The following LTBP1 variants were observed in gnomAD, a reference collection of about 807,000 sequenced individuals.
The protein encoded by LTBP1 is latent-transforming growth factor beta-binding protein 1.
In LTBP1, 129 loss-of-function variants were observed where a neutral mutation model predicts 207.6. The observed-to-expected ratio is 0.62, with a 90% CI of 0.54 to 0.72. The LOEUF (loss-of-function observed/expected upper bound fraction) is 0.72, where lower values mean the gene tolerates loss of function less well. LTBP1 is among the 30% of genes least tolerant of loss of function. The probability of loss-of-function intolerance (pLI) is 0.00; values close to 1 mark genes in which losing one functional copy is unlikely to be tolerated. For synonymous variants in LTBP1, 963 were observed against 833.7 expected (o/e 1.16, Z -2.67); for missense variants, 2,281 against 2,217.2 (o/e 1.03, Z -0.58).
At chr2:33,133,841 A>G (rs1282082780) in intron 4 of LTBP1, among the ~76,000 whole-genome samples, 1 of 152,230 alleles carries the variant, frequency 6.6e-6, no homozygotes, top group Non-Finnish European at 1.5e-5. Context: ...AACTGAACTG[A>G]ACTGGACTGA....
intron 30 of LTBP1, 39 bp from the exon 31 acceptor site, chr2:33,365,294 A>G (rs2094971806): frequency 6.3e-7 from 1 of 1,577,294 alleles, no homozygotes; most frequent in Middle Eastern, 1.7e-4. Flanking sequence ...AAATAGGAAT[A>G]ACTGTGCGAT....
At chr2:33,185,419 C>T (rs6757287) in intron 5 of LTBP1, among the ~76,000 whole-genome samples, 11,869 of 152,148 alleles carry the variant, frequency 0.078, 988 homozygotes, top group African/African-American at 0.21. Context: ...TATGGTGACA[C>T]ATAGTTGTAG....
chr2:32,995,282 C>G (rs1013520554), intron 2 of LTBP1, among the ~76,000 whole-genome samples: 4 of 152,102 alleles, frequency 2.6e-5, no homozygotes, highest in African/African-American at 9.7e-5. Flanking sequence ...GGCAGTGCCT[C>G]TCGAACTAAT....
chr2:33,330,548 T>A (rs545218981), intron 24 of LTBP1, among the ~76,000 whole-genome samples: 8 of 151,948 alleles, frequency 5.3e-5, no homozygotes, highest in Admixed American at 2.0e-4. Flanking sequence ...AGTTTGCTAA[T>A]GTTCTTTATC....
In LTBP1 at chr2:33,141,325, A is replaced by G. The variant is rs1157441464; in HGVS notation, c.1201+6365A>G. 3.3e-5 allele frequency among the ~76,000 whole-genome samples: 5 copies of G among 152,350 alleles called. No homozygotes were observed. The South Asian group carries it at 6.2e-4, about 19-fold the overall frequency. On this transcript the variant is annotated intron_variant, in intron 5 of 33. Transcript: ENST00000404816. ...GTTGTTTAATGGGTATAGAGTTTCAATTTTGCAAAATGAAAAAGTTCTGGA... is the reference window on the plus strand; with the variant it reads ...GTTGTTTAATGGGTATAGAGTTTCAGTTTTGCAAAATGAAAAAGTTCTGGA...
intron 2 of LTBP1, among the ~76,000 whole-genome samples, chr2:33,008,120 T>C (rs936803410): frequency 6.6e-6 from 1 of 152,260 alleles, no homozygotes; most frequent in Non-Finnish European, 1.5e-5. Context: ...TATTTTTTAT[T>C]GCCCCAGTTT....
intron 19 of LTBP1, among the ~76,000 whole-genome samples, chr2:33,283,061 C>CAAAA (rs201168175): frequency 2.2e-4 from 11 of 49,254 alleles, no homozygotes; most frequent in African/African-American, 2.8e-4. Context: ...GACTCCATCT[C>CAAAA]AAAAAAAAAA....
At chr2:33,009,007 GGCA>G (rs1687314100) in intron 2 of LTBP1, among the ~76,000 whole-genome samples, 1 of 152,180 alleles carries the variant, frequency 6.6e-6, no homozygotes, top group Non-Finnish European at 1.5e-5. Flanking sequence ...TGGGAGAGAT[GGCA>G]GAGGTTTGCA....
chr2:33,263,939 G>A lies in LTBP1; in HGVS notation c.2617+547G>A, dbSNP rs1448695986. Among the ~76,000 whole-genome samples the A allele has an allele frequency of 9.2e-5, 12 of 129,918 alleles. No individual in the cohort carries two copies. In the East Asian group the frequency reaches 2.0e-3, roughly 22 times the overall value. The allele number at this position is 129,918 out of a possible 152,430, so 85.2% of individuals were successfully genotyped here. On this transcript the variant is annotated intron_variant, in intron 15 of 33. Coordinates refer to ENST00000404816, the MANE Select transcript of LTBP1 (RefSeq NM_206943.4). ...CTGCACTCCAGCCTGGTGACAGAGC[G>A]AGACTCTGTCTAAAAAAAGAAAAAA...
intron 2 of LTBP1, among the ~76,000 whole-genome samples, chr2:32,976,690 T>C (rs893930104): frequency 6.6e-6 from 1 of 152,170 alleles, no homozygotes; most frequent in African/African-American, 2.4e-5. Context: ...GGAGTTCTGG[T>C]TCATGAGGAT....
At chr2:33,301,151 T>C (rs1471759336) in intron 21 of LTBP1, among the ~76,000 whole-genome samples, 1 of 152,192 alleles carries the variant, frequency 6.6e-6, no homozygotes, top group Non-Finnish European at 1.5e-5. Flanking sequence ...TTTCATTGAA[T>C]TGCACACAGA....
At chr2:32,975,398 A>G (rs1681547159) in intron 2 of LTBP1, among the ~76,000 whole-genome samples, 1 of 151,972 alleles carries the variant, frequency 6.6e-6, no homozygotes, top group Non-Finnish European at 1.5e-5. Flanking sequence ...GGTTCTATGT[A>G]TTTCCTGAAT....
At chr2:33,378,224 TTG>T (rs1312996188) in intron 31 of LTBP1, among the ~76,000 whole-genome samples, 269 of 146,520 alleles carry the variant, frequency 1.8e-3, no homozygotes, top group African/African-American at 6.3e-3. Context: ...TGTGTGTGTT[TTG>T]TTTGTTTGTT....
chr2:33,393,456 G>A (rs148132166), intron 32 of LTBP1, among the ~76,000 whole-genome samples: 7,561 of 76,608 alleles, frequency 0.099, 232 homozygotes, highest in African/African-American at 0.15. Context: ...CCAACCCCGC[G>A]AAAGGCCCTG....
chr2:33,295,687 C>T (rs1233752712), intron 20 of LTBP1, among the ~76,000 whole-genome samples: 21 of 151,606 alleles, frequency 1.4e-4, no homozygotes, highest in East Asian at 3.9e-4. Flanking sequence ...GGATTTTTTT[C>T]TTTTCTGCTT....
chr2:33,369,093 C>G (rs2095035381), intron 31 of LTBP1, among the ~76,000 whole-genome samples: 1 of 151,318 alleles, frequency 6.6e-6, no homozygotes, highest in African/African-American at 2.4e-5. Context: ...TTTCAAAAAA[C>G]ATTTTAAAAA....
intron 6 of LTBP1, among the ~76,000 whole-genome samples, 191 bp downstream of exon 6, chr2:33,187,271 G>A (rs1168879014): frequency 2.6e-5 from 4 of 152,190 alleles, no homozygotes; most frequent in East Asian, 3.8e-4. Flanking sequence ...CTAGGCCATA[G>A]AGAGTTAGTG....
intron 9 of LTBP1, among the ~76,000 whole-genome samples, chr2:33,239,932 A>AAATAAATG (rs2092239736): frequency 6.6e-6 from 1 of 151,586 alleles, no homozygotes; most frequent in African/African-American, 2.4e-5. Flanking sequence ...ATAAATAAAT[A>AAATAAATG]AATAAAAATA....
chr2:33,003,067 C>T (rs933565481), intron 2 of LTBP1, among the ~76,000 whole-genome samples: 4 of 152,192 alleles, frequency 2.6e-5, no homozygotes, highest in Non-Finnish European at 4.4e-5. Context: ...TGGCAGGCTT[C>T]CTGAGTTCCA....
Sources: allele counts gnomAD v4.1 joint callset (sites outside exome capture counted in the v4.1 genomes callset), GRCh38; gene constraint gnomAD v4.1.1; transcripts MANE v1.5; gene names NCBI Gene and HGNC (gene_info 2026-07-23, HGNC 2026-07-21).